DHCR24: variants seen among roughly 807,000 people sequenced by gnomAD.
DHCR24 encodes 24-dehydrocholesterol reductase.
Under a neutral mutation model 61.2 loss-of-function variants are expected in DHCR24, and 28 were observed. The ratio of observed to expected loss-of-function variants is 0.46; its 90% confidence interval spans 0.34 to 0.63. The LOEUF (loss-of-function observed/expected upper bound fraction) is 0.63. Among genes scored for constraint, DHCR24 ranks in the 20% least tolerant of loss-of-function variants. The pLI, the probability that DHCR24 is intolerant of heterozygous loss-of-function variation, is 0.01. For missense variants in DHCR24, 538 were observed against 679.1 expected (o/e 0.79, Z 2.31); for synonymous variants, 261 against 275.9 (o/e 0.95, Z 0.54).
intron 5 of DHCR24, among the ~76,000 whole-genome samples, chr1:54,866,393 G>A (rs1213571078): frequency 1.3e-5 from 2 of 150,458 alleles, no homozygotes; most frequent in African/African-American, 2.5e-5. Flanking sequence ...CTGTCGCCCA[G>A]GCTGGAGTTC....
intron 6 of DHCR24, among the ~76,000 whole-genome samples, chr1:54,858,287 T>C (rs1292960371): frequency 6.6e-6 from 1 of 152,204 alleles, no homozygotes; most frequent in Non-Finnish European, 1.5e-5. Context: ...GCATTTGGTA[T>C]AAAGTCCTAG....
In DHCR24 at chr1:54,852,375, A is replaced by G; in HGVS notation, c.1409T>C (p.Leu470Pro). The G allele has an allele frequency of 6.2e-7, 1 of 1,614,074 alleles. No individual in the cohort carries two copies. The highest frequency in any genetic ancestry group is 8.5e-7 in the Non-Finnish European group (1 of 1,180,042). Residue 470 changes from leucine (L) to proline (P), a missense_variant, in exon 9 of 9, where the codon CTG (leucine) becomes CCG (proline). By Grantham distance (98) the Leu-to-Pro change is moderately conservative (BLOSUM62 -3). Coordinates refer to ENST00000371269, the MANE Select transcript of DHCR24 (RefSeq NM_014762.4). ...CCGGTTCATGTAGCAGTCGGCATAC[A>G]GCATCTGGAAGCTGCAGAGGCAGAG... ...FVRSVHGFQM[L>P]YADCYMNREE...
intron 6 of DHCR24, among the ~76,000 whole-genome samples, chr1:54,861,958 C>T (rs985371664): frequency 2.0e-4 from 31 of 152,184 alleles, no homozygotes; most frequent in Non-Finnish European, 2.9e-5. Flanking sequence ...CCACACCCTC[C>T]CACCACCCTA....
chr1:54,870,099 G>A (rs1203677399), intron 5 of DHCR24, among the ~76,000 whole-genome samples: 1 of 151,758 alleles, frequency 6.6e-6, no homozygotes, highest in Non-Finnish European at 1.5e-5. Context: ...GCACACGCCT[G>A]TAGTCCCAGC....
intron 5 of DHCR24, among the ~76,000 whole-genome samples, chr1:54,868,010 A>C (rs539031271): frequency 2.0e-4 from 31 of 152,324 alleles, no homozygotes; most frequent in African/African-American, 6.5e-4. Flanking sequence ...GTGTCTTCAG[A>C]GAAGTCTCTT....
intron 1 of DHCR24, among the ~76,000 whole-genome samples, chr1:54,884,587 CA>C (rs1019177751): frequency 2.0e-5 from 3 of 152,110 alleles, no homozygotes; most frequent in Admixed American, 6.5e-5. Flanking sequence ...TAGACAAGTG[CA>C]GGGGGGGTGG....
intron 8 of DHCR24, 55 bp from the exon 9 acceptor site, chr1:54,852,441 G>T: frequency 6.2e-7 from 1 of 1,602,654 alleles, no homozygotes. Context: ...AACGCGAGGC[G>T]TGAGAGAAAC....
chr1:54,867,578 A>C (rs1285848130), intron 5 of DHCR24, among the ~76,000 whole-genome samples: 1 of 152,092 alleles, frequency 6.6e-6, no homozygotes, highest in Non-Finnish European at 1.5e-5. Context: ...GCCAAATCAT[A>C]ATCTTAGGGA....
At chr1:54,871,317 T>C (rs1557436107) in intron 5 of DHCR24, 33 bp downstream of exon 5, 1 of 1,612,654 alleles carries the variant, frequency 6.2e-7, no homozygotes, top group East Asian at 2.2e-5. Flanking sequence ...GCCTCCCCAG[T>C]CTTGGTCAGC....
At chr1:54,863,356 T>C (rs775732331) in intron 6 of DHCR24, among the ~76,000 whole-genome samples, 3 of 152,220 alleles carry the variant, frequency 2.0e-5, no homozygotes, top group Admixed American at 6.5e-5. Flanking sequence ...AAAGCCCTCA[T>C]TGGCTTCCTA....
At chr1:54,867,657 G>A (rs916567103) in intron 5 of DHCR24, among the ~76,000 whole-genome samples, 12 of 152,076 alleles carry the variant, frequency 7.9e-5, no homozygotes, top group African/African-American at 2.9e-4. Flanking sequence ...ACTCCCCTTG[G>A]TCCCATCCCT....
chr1:54,875,272 G>T, intron 3 of DHCR24, 61 bp from the exon 4 acceptor site: 2 of 1,527,124 alleles, frequency 1.3e-6, no homozygotes, highest in Non-Finnish European at 1.8e-6. Context: ...TTGGGGGTGG[G>T]TTGGAGCTGG....
chr1:54,879,802 T>C lies in DHCR24; in HGVS notation c.388-3755A>G, dbSNP rs888381751. On this transcript the variant is annotated intron_variant, in intron 2 of 8. Coordinates refer to ENST00000371269, the MANE Select transcript of DHCR24 (RefSeq NM_014762.4). The stretch of plus-strand genomic sequence containing the variant: ...CATCAAAAGGGAAATCAAAGTATTC[T>C]GAACTGAAATAAAAAGAAAACATAT... Among the ~76,000 whole-genome samples the C allele has an allele frequency of 3.9e-5, 6 of 152,146 alleles. No individual in the cohort carries two copies. The East Asian group carries it at 1.2e-3, about 29-fold the overall frequency.
At position 54,883,742 on chromosome 1, in the gene DHCR24, G is replaced by C; in HGVS notation, c.263C>G (p.Thr88Ser). 1 of 1,614,204 alleles carries C rather than the reference G, an allele frequency of 6.2e-7. No individual in the cohort carries two copies. The highest frequency in any genetic ancestry group is 1.7e-4 in the Middle Eastern group (1 of 6,056). ...VREWKEQGSK[T>S]FMCTGRPGWL... ...GCCAGGGCGCCCCGTGCACATGAAG[G>C]TCTTGCTACCCTGCTCCTTCCATTC... The change falls in exon 2 of 9, where the codon ACC becomes AGC. Residue 88 changes from threonine (T) to serine (S), a missense_variant. Coordinates refer to ENST00000371269, the MANE Select transcript of DHCR24 (RefSeq NM_014762.4). This position sits in a 1 kb window ranked among gnomAD's most constrained non-coding sequence, Gnocchi z 4.3.
At chr1:54,857,177 T>C (rs1372562931) in intron 6 of DHCR24, among the ~76,000 whole-genome samples, 3 of 152,258 alleles carry the variant, frequency 2.0e-5, no homozygotes, top group African/African-American at 4.8e-5. Context: ...ACTTATCCTA[T>C]GTGGCTTAGT....
intron 4 of DHCR24, among the ~76,000 whole-genome samples, chr1:54,873,719 G>A (rs893771243): frequency 1.3e-5 from 2 of 152,256 alleles, no homozygotes; most frequent in East Asian, 1.9e-4. Context: ...GCGTAATCAC[G>A]GCTCACTGCA....
chr1:54,856,036 CAGAA>C (rs1474865592), intron 6 of DHCR24, among the ~76,000 whole-genome samples: 2 of 150,750 alleles, frequency 1.3e-5, no homozygotes, highest in Non-Finnish European at 3.0e-5. Flanking sequence ...TTTGAAAAAA[CAGAA>C]AGCAAAAAAA....
intron 4 of DHCR24, among the ~76,000 whole-genome samples, chr1:54,873,643 G>A (rs1236014333): frequency 2.6e-5 from 4 of 152,138 alleles, no homozygotes; most frequent in Non-Finnish European, 4.4e-5. Flanking sequence ...ACTAACATGC[G>A]TTTATGTCTT....
At chr1:54,886,817 C>T (rs1570207364) in intron 1 of DHCR24, 72 bp downstream of exon 1, 1 of 1,572,254 alleles carries the variant, frequency 6.4e-7, no homozygotes, top group East Asian at 2.3e-5. Flanking sequence ...CTCCCGTCGC[C>T]ACCTCGCGTC....
Sources: gnomAD v4.1 joint callset for allele counts (sites outside exome capture counted in the v4.1 genomes callset) on GRCh38, gnomAD v4.1.1 for gene constraint, Gnocchi (gnomAD v3.1) non-coding constraint, MANE v1.5 for transcripts, NCBI Gene and HGNC (gene_info 2026-07-23, HGNC 2026-07-21) for gene names.